DHX32: variants seen among roughly 807,000 people sequenced by gnomAD.
DHX32 encodes the protein putative pre-mRNA-splicing factor ATP-dependent RNA helicase DHX32.
A neutral mutation model predicts 70.0 loss-of-function variants in DHX32; 51 were observed. The observed-to-expected ratio is 0.73, with a 90% confidence interval of 0.58 to 0.92. DHX32 has a LOEUF of 0.92. DHX32 is among the 40% of genes least tolerant of loss of function. The pLI is 0.00. For missense variants in DHX32, 762 were observed against 891.8 expected, an observed-to-expected ratio of 0.85 and a Z score of 1.85; for synonymous variants, 310 against 315.3, an observed-to-expected ratio of 0.98 and a Z score of 0.18.
rs61570718 is a variant in DHX32 at position 125,864,929 on chromosome 10, C to CAAAAAAAAAAAAAAAAAAAAAAAAAAAAA, written c.476+2032_476+2060dup. On this transcript the variant is annotated intron_variant, in intron 2 of 10. Coordinates refer to ENST00000284690, the MANE Select transcript of DHX32 (RefSeq NM_018180.3). Reference sequence around the variant, plus strand: ...TGGGAGACAGAGTGGGACTCTGTCTCAAAAAAAAAAAAAAAAAAAAAAAAA... The same window carrying CAAAAAAAAAAAAAAAAAAAAAAAAAAAAA: ...TGGGAGACAGAGTGGGACTCTGTCTCAAAAAAAAAAAAAAAAAAAAAAAAAAAAAAAAAAAAAAAAAAAAAAAAAAAAAA... 1.3e-4 allele frequency among the ~76,000 whole-genome samples: 7 copies of CAAAAAAAAAAAAAAAAAAAAAAAAAAAAA among 54,212 alleles called. 1 individual carries two copies. The highest frequency in any genetic ancestry group is 2.2e-4 in the Non-Finnish European group (7 of 32,386). 35.6% of individuals were successfully genotyped at this position (54,212 alleles called of 152,430 possible).
rs536970071 is a variant in DHX32 at position 125,848,157 on chromosome 10, A to G, written c.1351+4136T>C. ...TTGGGCATTGTGTAAAAGAGTCCAC[A>G]GGGGGAGAAACTGAAGAATGAAGAG... On this transcript the variant is annotated intron_variant, in intron 6 of 10. Transcript: ENST00000284690. Among the ~76,000 whole-genome samples the G allele has an allele frequency of 1.3e-3, 194 of 152,314 alleles. 1 individual carries two copies. Among genetic ancestry groups the G allele is most frequent in the African/African-American group, 4.5e-3 (186 of 41,560 alleles).
Position 125,854,204 on chromosome 10 carries a change from C to A in DHX32, c.850-1G>T. 6.4e-7 allele frequency: 1 copy of A among 1,568,192 alleles called. No homozygotes were observed. The highest frequency in any genetic ancestry group is 8.6e-7 in the Non-Finnish European group (1 of 1,164,478). On this transcript the variant is annotated splice_acceptor_variant, in intron 3 of 10. Coordinates refer to ENST00000284690, the MANE Select transcript of DHX32 (RefSeq NM_018180.3). LOFTEE classifies it high-confidence loss of function. ...CAGTTTCACAGACTTTCTCAATATC[C>A]TAAAGAAAAAAAAACCCATGAAAAT...
At chr10:125,841,970 A>G (rs775384854) in intron 6 of DHX32, 36 bp from the exon 7 acceptor site, 2 of 1,536,674 alleles carry the variant, frequency 1.3e-6, no homozygotes, top group Non-Finnish European at 1.7e-6. Flanking sequence ...TAAGAGTCTC[A>G]TATGGCTAAG....
intron 8 of DHX32, among the ~76,000 whole-genome samples, chr10:125,840,629 G>T (rs1854851402): frequency 6.6e-6 from 1 of 152,242 alleles, no homozygotes; most frequent in Admixed American, 6.5e-5. Context: ...GGAAGTACAG[G>T]CCCGCCATGG....
At chr10:125,894,835 A>C (rs1343740648) in intron 1 of DHX32, among the ~76,000 whole-genome samples, 1 of 152,304 alleles carries the variant, frequency 6.6e-6, no homozygotes, top group Non-Finnish European at 1.5e-5. Flanking sequence ...GAATGAAAAG[A>C]CCGCTTTGTG....
At chr10:125,852,707 T>C in intron 4 of DHX32, 65 bp from the exon 5 acceptor site, 2 of 1,415,630 alleles carry the variant, frequency 1.4e-6, no homozygotes, top group African/African-American at 1.4e-5. Flanking sequence ...TCACTGATCC[T>C]GAAGAGAATA....
At position 125,836,431 on chromosome 10, in the gene DHX32, T is replaced by G; in HGVS notation, c.*256A>C. ...CTCTGACACATTTACAAAATACCAGTTTTTTAAAATTTTGGTCAAATTATG... is the reference window on the plus strand; with the variant it reads ...CTCTGACACATTTACAAAATACCAGGTTTTTAAAATTTTGGTCAAATTATG... On this transcript the variant is annotated 3_prime_UTR_variant, in exon 11 of 11. Coordinates refer to ENST00000284690, the MANE Select transcript of DHX32 (RefSeq NM_018180.3). 1.4e-6 allele frequency: 2 copies of G among 1,436,836 alleles called. No homozygotes were observed. Among genetic ancestry groups the G allele is most frequent in the South Asian group, 3.2e-5 (2 of 63,456 alleles). 89.0% of individuals were successfully genotyped at this position (1,436,836 alleles called of 1,614,324 possible).
At chr10:125,886,020 T>C (rs1425053878), upstream of DHX32, among the ~76,000 whole-genome samples, 4 of 152,176 alleles carry the variant, frequency 2.6e-5, no homozygotes, top group Non-Finnish European at 4.4e-5. Flanking sequence ...GGACCAACAA[T>C]CACTGTATGA....
intron 1 of DHX32, among the ~76,000 whole-genome samples, chr10:125,887,463 C>G (rs527307763): frequency 5.8e-4 from 89 of 152,282 alleles, no homozygotes; most frequent in Non-Finnish European, 1.1e-3. Flanking sequence ...GGCCAGATCG[C>G]AAAATACCTG....
intron 2 of DHX32, among the ~76,000 whole-genome samples, chr10:125,865,582 T>C (rs930538048): frequency 3.3e-5 from 5 of 151,914 alleles, no homozygotes; most frequent in Admixed American, 3.3e-4. Context: ...CAGGCAGGAG[T>C]GCAGTGGCGC....
intron 2 of DHX32, among the ~76,000 whole-genome samples, chr10:125,860,414 C>T (rs929723801): frequency 1.3e-5 from 2 of 152,098 alleles, no homozygotes; most frequent in Non-Finnish European, 1.5e-5. Flanking sequence ...CAAGAATAAC[C>T]ATCCTGGCTC....
At chr10:125,880,427 ATGTTT>A (rs1944310124) in intron 1 of DHX32, 111 bp downstream of exon 1, 6 of 1,071,674 alleles carry the variant, frequency 5.6e-6, no homozygotes, top group Non-Finnish European at 7.8e-6. Flanking sequence ...TATCTGAATA[ATGTTT>A]TGTTTTTTGT....
Position 125,880,758 on chromosome 10 carries a change from C to G in DHX32, c.67G>C (p.Asp23His), listed in dbSNP as rs1457988623. 1 of 1,614,078 alleles carries G rather than the reference C, an allele frequency of 6.2e-7. No individual in the cohort carries two copies. The highest frequency in any genetic ancestry group is 1.3e-5 in the African/African-American group (1 of 74,930). The change falls in exon 1 of 11, where the codon GAT (aspartate) becomes CAT (histidine). Residue 23 changes from aspartate to histidine, a missense_variant. By Grantham distance (81) the Asp-to-His change is moderately conservative (BLOSUM62 -1). Transcript: ENST00000284690. The stretch of plus-strand genomic sequence containing the variant: ...TCTTCCTCATCCCCATCGCTGGAAT[C>G]CAGGGATTCAGGAAAATAGCGTTTT... ...SEKRYFPESL[D>H]SSDGDEEEVL...
At position 125,854,340 on chromosome 10, in the gene DHX32, A is replaced by G. The variant is rs181211770; in HGVS notation, c.850-137T>C. 4.5e-4 allele frequency: 337 copies of G among 754,908 alleles called. 2 individuals are homozygous for G. The African/African-American group carries it at 5.2e-3, about 12-fold the overall frequency. The allele number at this position is 754,908 out of a possible 1,614,324, so 46.8% of individuals were successfully genotyped here. On this transcript the variant is annotated intron_variant, in intron 3 of 10. Transcript: ENST00000284690. ...AAGAAATCCCTGTGTTGCTGCCTAC[A>G]TGTATCTTTAAATAAGTAAAGATGC...
At position 125,889,473 on chromosome 10, in the gene DHX32, G is replaced by A. The variant is rs181404548; in HGVS notation, c.-248+6745C>T. Among the ~76,000 whole-genome samples the A allele has an allele frequency of 5.4e-3, 826 of 152,306 alleles. 4 individuals carry two copies. Among genetic ancestry groups the A allele is most frequent in the Middle Eastern group, 0.01 (3 of 294 alleles). On this transcript the variant is annotated intron_variant, in intron 1 of 2. Coordinates refer to the DHX32 transcript ENST00000415732. ...CGGGATCACTGGTCCAACACTCCAC[G>A]TCAACTCTGGTGCTGGTTTGTGGCA...
At chr10:125,863,328 T>C (rs1046047265) in intron 2 of DHX32, among the ~76,000 whole-genome samples, 2 of 152,102 alleles carry the variant, frequency 1.3e-5, no homozygotes, top group African/African-American at 4.8e-5. Flanking sequence ...CAAAAAATAG[T>C]AGTAGGCTTA....
Position 125,851,920 on chromosome 10 carries a change from C to CAAAAAAAAAAAA in DHX32, c.1351+361_1351+372dup, listed in dbSNP as rs56380138. On this transcript the variant is annotated intron_variant, in intron 6 of 10. Transcript: ENST00000284690. ...TGAGCAACAGAGCAAGACCCTGTCT[C>CAAAAAAAAAAAA]AAAAAAAAAAAAAAAAAAAAAGAAA... 4.7e-4 allele frequency among the ~76,000 whole-genome samples: 41 copies of CAAAAAAAAAAAA among 86,694 alleles called. 1 individual carries two copies. Among genetic ancestry groups the CAAAAAAAAAAAA allele is most frequent in the South Asian group, 1.3e-3 (3 of 2,348 alleles). The allele number at this position is 86,694 out of a possible 152,430, so 56.9% of individuals were successfully genotyped here.
chr10:125,876,831 A>G (rs1482477275), intron 1 of DHX32, among the ~76,000 whole-genome samples: 1 of 152,226 alleles, frequency 6.6e-6, no homozygotes, highest in Non-Finnish European at 1.5e-5. Flanking sequence ...CAGTGATTAT[A>G]AAGGCTATCA....
intron 2 of DHX32, among the ~76,000 whole-genome samples, chr10:125,864,686 T>A (rs1589713787): frequency 6.6e-6 from 1 of 152,032 alleles, no homozygotes; most frequent in East Asian, 1.9e-4. Flanking sequence ...ACCAGCACTT[T>A]CAAAGGCCGA....
Sources: gnomAD v4.1 joint callset for allele counts (sites outside exome capture counted in the v4.1 genomes callset) on GRCh38, gnomAD v4.1.1 for gene constraint, MANE v1.5 for transcripts, NCBI Gene and HGNC (gene_info 2026-07-23, HGNC 2026-07-21) for gene names.